Variants in CCDC146 observed in about 807,000 individuals in gnomAD.
CCDC146 encodes the protein coiled-coil domain-containing protein 146.
CCDC146 carries 92 observed loss-of-function variants against 119.3 expected under a neutral mutation model. The ratio of observed to expected loss-of-function variants is 0.77; its 90% CI spans 0.65 to 0.92. The LOEUF (loss-of-function observed/expected upper bound fraction) is 0.92, where lower values mean the gene tolerates loss of function less well. CCDC146 is among the 40% of genes least tolerant of loss of function. The pLI, the probability that CCDC146 is intolerant of heterozygous loss-of-function variation, is 0.00. For synonymous variants in CCDC146, 372 were observed against 371.8 expected (o/e 1.00, Z -0.01); for missense variants, 1,000 against 1,103.0 (o/e 0.91, Z 1.32).
At chr7:77,265,593 C>T (rs1322120550) in intron 9 of CCDC146, among the ~76,000 whole-genome samples, 1 of 152,134 alleles carries the variant, frequency 6.6e-6, no homozygotes, top group Non-Finnish European at 1.5e-5. Context: ...TTCACTTCTA[C>T]CAGAAAATCT....
intron 9 of CCDC146, among the ~76,000 whole-genome samples, chr7:77,268,545 T>C (rs1429535556): frequency 6.6e-6 from 1 of 152,142 alleles, no homozygotes; most frequent in East Asian, 1.9e-4. Flanking sequence ...GCCCTTCACC[T>C]CTCTTCCGAC....
At chr7:77,237,654 C>T (rs1792763267) in intron 3 of CCDC146, among the ~76,000 whole-genome samples, 1 of 152,180 alleles carries the variant, frequency 6.6e-6, no homozygotes, top group Non-Finnish European at 1.5e-5. Context: ...TGCTGAGACC[C>T]TGTCTGTACT....
rs1276612978 is a variant in CCDC146, at chr7:77,293,125, G to A, written c.2589G>A (p.Lys863=). The change falls in exon 18 of 19, where the codon AAG becomes AAA. Residue 863 remains lysine, a synonymous_variant. Transcript: ENST00000285871. ...SRIEKGLPLN[K]EIEKEWLKVL... is the part of the protein sequence containing the mutation. ...TAGAAAAAGGTCTGCCACTCAATAA[G>A]GAAATTGAGAAAGAATGGTTGAAAG... 5 of 1,613,966 alleles carry A rather than the reference G, an allele frequency of 3.1e-6. No individual in the cohort carries two copies. The African/African-American group carries it at 6.7e-5, about 22-fold the overall frequency.
At chr7:77,230,925 T>TC (rs1024679463) in intron 2 of CCDC146, among the ~76,000 whole-genome samples, 7 of 152,268 alleles carry the variant, frequency 4.6e-5, no homozygotes, top group Middle Eastern at 3.4e-3. Flanking sequence ...TATACAGTAG[T>TC]CCCCCCCACC....
rs1477543878 is a variant in CCDC146 at position 77,182,826 on chromosome 7, G to A, written c.156+15002G>A. On this transcript the variant is annotated intron_variant, in intron 2 of 18. Coordinates refer to ENST00000285871, the MANE Select transcript of CCDC146 (RefSeq NM_020879.3). ...AAAAAATTTGGATGTGGTGGATATA[G>A]AGATGAGGGATGCAAAGTGAAGGCT... 4.6e-5 allele frequency among the ~76,000 whole-genome samples: 7 copies of A among 151,952 alleles called. No homozygotes were observed. The South Asian group carries it at 8.3e-4, about 18-fold the overall frequency.
intron 2 of CCDC146, among the ~76,000 whole-genome samples, chr7:77,170,273 C>G (rs565733049): frequency 3.3e-5 from 5 of 152,276 alleles, no homozygotes; most frequent in African/African-American, 1.2e-4. Context: ...ATTGTGGTCT[C>G]CAGCTCTTCT....
At chr7:77,205,543 A>C (rs1340851770) in intron 2 of CCDC146, among the ~76,000 whole-genome samples, 2 of 152,204 alleles carry the variant, frequency 1.3e-5, no homozygotes, top group African/African-American at 4.8e-5. Context: ...GAATCACTTG[A>C]GCTCAGGAGT....
At chr7:77,160,182 T>C (rs993435322) in intron 1 of CCDC146, among the ~76,000 whole-genome samples, 4 of 152,320 alleles carry the variant, frequency 2.6e-5, no homozygotes, top group Non-Finnish European at 5.9e-5. Context: ...CCTTGTAGTA[T>C]AGTTTGAAGT....
At chr7:77,277,479 T>C (rs897785119) in intron 11 of CCDC146, among the ~76,000 whole-genome samples, 24 of 152,212 alleles carry the variant, frequency 1.6e-4, no homozygotes, top group Admixed American at 1.6e-3. Flanking sequence ...CCCTTGAGTA[T>C]TTTTAGCATT....
chr7:77,223,004 G>A lies in CCDC146; in HGVS notation c.157-13943G>A, dbSNP rs142020142. 3.3e-5 allele frequency among the ~76,000 whole-genome samples: 5 copies of A among 152,256 alleles called. No individual in the cohort carries two copies. In the East Asian group the frequency reaches 5.8e-4, roughly 18 times the overall value. On this transcript the variant is annotated intron_variant, in intron 2 of 18. Transcript: ENST00000285871. ...TGTGTTCTGATCCTTATGTGAATAC[G>A]CTTCACAGCTTTGGCCCTGTTAGGT...
intron 2 of CCDC146, among the ~76,000 whole-genome samples, chr7:77,169,672 C>A (rs1176843209): frequency 2.0e-5 from 3 of 152,166 alleles, no homozygotes; most frequent in Non-Finnish European, 4.4e-5. Flanking sequence ...CCACATTTGG[C>A]CAGTGTACAC....
intron 15 of CCDC146, among the ~76,000 whole-genome samples, chr7:77,285,529 CA>C (rs1307616945): frequency 1.3e-5 from 2 of 152,136 alleles, no homozygotes; most frequent in African/African-American, 2.4e-5. Context: ...AAAATACCAT[CA>C]ATATATTATC....
At chr7:77,240,008 T>C (rs1792814053) in intron 3 of CCDC146, among the ~76,000 whole-genome samples, 1 of 152,254 alleles carries the variant, frequency 6.6e-6, no homozygotes, top group Admixed American at 6.5e-5. Context: ...CATAATTGCG[T>C]ATGGGAATTT....
rs1176087053 is a variant in CCDC146, at chr7:77,152,120, C to A, written c.-11-15538C>A. 2.6e-5 allele frequency among the ~76,000 whole-genome samples: 4 copies of A among 152,212 alleles called. 1 individual carries two copies. In the South Asian group the frequency reaches 6.2e-4, roughly 24 times the overall value. On this transcript the variant is annotated intron_variant, in intron 1 of 18. Coordinates refer to ENST00000285871, the MANE Select transcript of CCDC146 (RefSeq NM_020879.3). Reference sequence around the variant, plus strand: ...ATATTCTTGAATGTTCAGGTTCCACCATTTCCTCTCCTAAGACTTGTCCTA... The same window carrying A: ...ATATTCTTGAATGTTCAGGTTCCACAATTTCCTCTCCTAAGACTTGTCCTA...
At chr7:77,230,667 C>A (rs1792610316) in intron 2 of CCDC146, among the ~76,000 whole-genome samples, 2 of 152,040 alleles carry the variant, frequency 1.3e-5, no homozygotes, top group Non-Finnish European at 2.9e-5. Context: ...TTATCTTTAT[C>A]TTTGGCTTTC....
chr7:77,189,206 C>G (rs1477614524), intron 2 of CCDC146, among the ~76,000 whole-genome samples: 1 of 152,164 alleles, frequency 6.6e-6, no homozygotes, highest in Non-Finnish European at 1.5e-5. Flanking sequence ...ACACACTTTG[C>G]AGACAGGCTT....
intron 4 of CCDC146, among the ~76,000 whole-genome samples, chr7:77,254,105 T>C (rs1373749065): frequency 6.6e-6 from 1 of 152,168 alleles, no homozygotes; most frequent in African/African-American, 2.4e-5. Context: ...GAATTGACTT[T>C]AATGGGCAAA....
intron 2 of CCDC146, among the ~76,000 whole-genome samples, chr7:77,173,245 CATT>C (rs1358819363): frequency 6.6e-6 from 1 of 152,040 alleles, no homozygotes; most frequent in Non-Finnish European, 1.5e-5. Context: ...TCCCCACTGA[CATT>C]ATGATCACAT....
At position 77,196,063 on chromosome 7, in the gene CCDC146, C is replaced by T; in HGVS notation, c.156+28239C>T. On this transcript the variant is annotated intron_variant, in intron 2 of 18. Coordinates refer to ENST00000285871, the MANE Select transcript of CCDC146 (RefSeq NM_020879.3). The surrounding 1 kb of genome is among the most constrained non-coding windows in gnomAD (Gnocchi z 4.2). ...GTATAATTCTCAATATTGCTAATTG[C>T]TTGCAAGTGTTCATTGGATAACAGC... is the stretch of plus-strand genomic sequence containing the variant. 2 of 493,650 alleles carry T rather than the reference C, an allele frequency of 4.1e-6. No individual in the cohort carries two copies. The highest frequency in any genetic ancestry group is 5.1e-4 in the Middle Eastern group (1 of 1,942). 30.6% of individuals were successfully genotyped at this position (493,650 alleles called of 1,614,324 possible).
Sources: gnomAD v4.1 joint callset for allele counts (sites outside exome capture counted in the v4.1 genomes callset) on GRCh38, gnomAD v4.1.1 for gene constraint, Gnocchi (gnomAD v3.1) non-coding constraint, MANE v1.5 for transcripts, NCBI Gene and HGNC (gene_info 2026-07-23, HGNC 2026-07-21) for gene names.